The following ANTXR2 variants were observed in gnomAD, a reference collection of about 807,000 sequenced individuals.
ANTXR2 encodes the protein anthrax toxin receptor 2.
Under a neutral mutation model 73.7 loss-of-function variants are expected in ANTXR2, and 44 were observed. The ratio of observed to expected loss-of-function variants is 0.60; its 90% CI spans 0.47 to 0.77. ANTXR2 has a LOEUF of 0.77. Among genes scored for constraint, ANTXR2 ranks in the 30% least tolerant of loss-of-function variants. The pLI, the probability that ANTXR2 is intolerant of heterozygous loss-of-function variation, is 0.00. For synonymous variants in ANTXR2, 217 were observed against 205.9 expected, an observed-to-expected ratio of 1.05 and a Z score of -0.46; for missense variants, 604 against 592.5, an observed-to-expected ratio of 1.02 and a Z score of -0.20.
chr4:79,913,534 T>A (rs1333805071), intron 16 of ANTXR2, among the ~76,000 whole-genome samples: 1 of 152,172 alleles, frequency 6.6e-6, no homozygotes, highest in Non-Finnish European at 1.5e-5. Flanking sequence ...TTAATTTTCA[T>A]ACCACATCAA....
intron 16 of ANTXR2, among the ~76,000 whole-genome samples, chr4:79,962,931 A>G (rs974398611): frequency 8.5e-5 from 13 of 152,202 alleles, no homozygotes; most frequent in African/African-American, 3.1e-4. Context: ...GCATAATTCT[A>G]GGTACTGAAG....
At chr4:79,919,425 C>T (rs1727477500) in intron 16 of ANTXR2, among the ~76,000 whole-genome samples, 1 of 152,018 alleles carries the variant, frequency 6.6e-6, no homozygotes, top group African/African-American at 2.4e-5. Flanking sequence ...CAGGGTGTGT[C>T]TTCAAAGGTG....
At chr4:80,018,149 T>C (rs1239486015) in intron 11 of ANTXR2, among the ~76,000 whole-genome samples, 1 of 152,206 alleles carries the variant, frequency 6.6e-6, no homozygotes, top group Non-Finnish European at 1.5e-5. Context: ...TTTTGGTCTT[T>C]TGGAGGGCAG....
intron 16 of ANTXR2, among the ~76,000 whole-genome samples, chr4:79,952,409 T>C (rs1464308814): frequency 6.6e-6 from 1 of 151,842 alleles, no homozygotes; most frequent in Non-Finnish European, 1.5e-5. Context: ...ACTAGATTTT[T>C]TAAAGAAAAA....
At chr4:79,925,150 C>T (rs778540958) in intron 16 of ANTXR2, among the ~76,000 whole-genome samples, 3 of 152,128 alleles carry the variant, frequency 2.0e-5, no homozygotes, top group Non-Finnish European at 2.9e-5. Context: ...AAAACCCAAA[C>T]CTGGACAACT....
chr4:79,992,090 A>C (rs1406356900), intron 12 of ANTXR2, among the ~76,000 whole-genome samples: 1 of 152,070 alleles, frequency 6.6e-6, no homozygotes, highest in Admixed American at 6.6e-5. Context: ...AATCCTGTAC[A>C]TGTACCCCTG....
In ANTXR2 at chr4:79,903,586, C is replaced by T. The variant is rs540121683; in HGVS notation, c.*3843G>A. ...ACAACAAAAAAGTCTTTCTTTTATC[C>T]GATCGACTGAATTAGATTCCAGTAG... On this transcript the variant is annotated 3_prime_UTR_variant, in exon 17 of 17. Transcript: ENST00000403729. 7.9e-5 allele frequency: 12 copies of T among 152,164 alleles called. No individual in the cohort carries two copies. The highest frequency in any genetic ancestry group is 3.9e-4 in the East Asian group (2 of 5,176). The allele number at this position is 152,164 out of a possible 1,614,324, so 9.4% of individuals were successfully genotyped here.
At position 80,034,599 on chromosome 4, in the gene ANTXR2, T is replaced by C. The variant is rs113341102; in HGVS notation, c.698-1029A>G. On this transcript the variant is annotated intron_variant, in intron 8 of 16. Coordinates refer to ENST00000403729, the MANE Select transcript of ANTXR2 (RefSeq NM_058172.6). ...ATATAAGTTTGTTGGTTGTTTTTGATTGGTTGCACTTAAATTCTATTTTTC... is the reference window on the plus strand; with the variant it reads ...ATATAAGTTTGTTGGTTGTTTTTGACTGGTTGCACTTAAATTCTATTTTTC... Among the ~76,000 whole-genome samples, 1,086 of 152,228 alleles carry C rather than the reference T, an allele frequency of 7.1e-3. 10 individuals are homozygous for C. The highest frequency in any genetic ancestry group is 0.025 in the African/African-American group (1,020 of 41,536).
At chr4:80,020,394 G>GCAAAAA (rs1187160006) in intron 10 of ANTXR2, among the ~76,000 whole-genome samples, 9 of 151,400 alleles carry the variant, frequency 5.9e-5, no homozygotes, top group Non-Finnish European at 1.2e-4. Context: ...AAAAAAAAAA[G>GCAAAAA]CAAAAACAAA....
intron 10 of ANTXR2, among the ~76,000 whole-genome samples, chr4:80,022,887 A>C (rs1732233914): frequency 6.6e-6 from 1 of 152,122 alleles, no homozygotes; most frequent in Admixed American, 6.6e-5. Context: ...CAATCTGTAA[A>C]ATGGGGATAA....
chr4:79,933,985 G>A (rs538225545), intron 16 of ANTXR2, among the ~76,000 whole-genome samples: 2 of 151,928 alleles, frequency 1.3e-5, no homozygotes, highest in Non-Finnish European at 1.5e-5. Flanking sequence ...TGATCCGCCC[G>A]CCTCGGCCTC....
Position 80,073,014 on chromosome 4 carries a change from C to A in ANTXR2, c.-454G>T. The A allele has an allele frequency of 6.4e-6, 1 of 156,822 alleles. No individual in the cohort carries two copies. The allele number at this position is 156,822 out of a possible 1,614,324, so 9.7% of individuals were successfully genotyped here. ...TTCGGGACAAGGGGTCCCTGGGACGCGGCGACGGCAGAACAAACTAGGAGT... is the reference window on the plus strand; with the variant it reads ...TTCGGGACAAGGGGTCCCTGGGACGAGGCGACGGCAGAACAAACTAGGAGT... On this transcript the variant is annotated 5_prime_UTR_variant, in exon 1 of 17. Transcript: ENST00000403729.
intron 16 of ANTXR2, among the ~76,000 whole-genome samples, chr4:79,915,392 C>T (rs1727302681): frequency 6.6e-6 from 1 of 152,088 alleles, no homozygotes; most frequent in South Asian, 2.1e-4. Flanking sequence ...ATTCCACTGG[C>T]ATTAACGCTT....
intron 10 of ANTXR2, among the ~76,000 whole-genome samples, chr4:80,020,275 A>C (rs1424149843): frequency 6.6e-6 from 1 of 152,120 alleles, no homozygotes; most frequent in African/African-American, 2.4e-5. Context: ...AGGTCCAACT[A>C]TTCAGGAGGC....
intron 12 of ANTXR2, among the ~76,000 whole-genome samples, chr4:79,987,784 T>C (rs28842234): frequency 0.58 from 87,821 of 152,044 alleles, 27,546 homozygotes; most frequent in East Asian, 0.92. Flanking sequence ...GCAGAAACTT[T>C]ACAAGTCAAA....
intron 14 of ANTXR2, among the ~76,000 whole-genome samples, chr4:79,981,599 A>G (rs118185630): frequency 6.6e-6 from 1 of 152,134 alleles, no homozygotes; most frequent in Non-Finnish European, 1.5e-5. Flanking sequence ...TCCCCTCCCC[A>G]AGATATCATA....
At chr4:80,055,248 A>G (rs879220315) in intron 5 of ANTXR2, 30 bp from the exon 6 acceptor site, 1 of 1,555,432 alleles carries the variant, frequency 6.4e-7, no homozygotes, top group Non-Finnish European at 8.7e-7. Context: ...AAAGAGAGAA[A>G]AAAAGAGAGG....
Position 80,031,497 on chromosome 4 carries a change from A to C in ANTXR2, c.866+126T>G, listed in dbSNP as rs556341157. On this transcript the variant is annotated intron_variant, in intron 10 of 16. Coordinates refer to ENST00000403729, the MANE Select transcript of ANTXR2 (RefSeq NM_058172.6). ...TAGTACTAAGTTAAGTGGCTTGCCC[A>C]AGGCTTACTTTTTAATGCTCTGTAT... The C allele has an allele frequency of 3.6e-5, 26 of 715,376 alleles. No individual in the cohort carries two copies. The African/African-American group carries it at 4.6e-4, about 13-fold the overall frequency. The allele number at this position is 715,376 out of a possible 1,614,324, so 44.3% of individuals were successfully genotyped here.
rs115099020 is a variant in ANTXR2 at position 79,955,333 on chromosome 4, T to C, written c.1428+22288A>G. Among the ~76,000 whole-genome samples the C allele has an allele frequency of 9.4e-3, 1,436 of 152,282 alleles. 9 individuals are homozygous for C. Among genetic ancestry groups the C allele is most frequent in the Non-Finnish European group, 0.012 (833 of 68,014 alleles). ...GATATCCATTATGGATCTAGAATCA[T>C]AGTATTTTTATAGTCCCTTGAACAT... On this transcript the variant is annotated intron_variant, in intron 16 of 16. Transcript: ENST00000403729.
Sources: gnomAD v4.1 joint callset for allele counts (sites outside exome capture counted in the v4.1 genomes callset) on GRCh38, gnomAD v4.1.1 for gene constraint, MANE v1.5 for transcripts, NCBI Gene and HGNC (gene_info 2026-07-23, HGNC 2026-07-21) for gene names.